The following CTNND2 variants were observed in gnomAD, a reference collection of about 807,000 sequenced individuals.
CTNND2 encodes the protein catenin delta-2.
Under a neutral mutation model 144.4 loss-of-function variants are expected in CTNND2, and 22 were observed. The ratio of observed to expected loss-of-function variants is 0.15; its 90% CI spans 0.11 to 0.22. CTNND2 has a LOEUF of 0.22. Among genes scored for constraint, CTNND2 ranks in the 10% least tolerant of loss-of-function variants. CTNND2 has a pLI of 1.00. For missense variants in CTNND2, 1,353 were observed against 1,618.8 expected, an observed-to-expected ratio of 0.84 and a Z score of 2.82; for synonymous variants, 751 against 695.6, an observed-to-expected ratio of 1.08 and a Z score of -1.25.
At chr5:11,770,538 C>T (rs1789873488) in intron 1 of CTNND2, among the ~76,000 whole-genome samples, 1 of 151,830 alleles carries the variant, frequency 6.6e-6, no homozygotes, top group Non-Finnish European at 1.5e-5. Flanking sequence ...GAATATTTCC[C>T]ATCATTCAGG....
At chr5:11,478,067 C>T (rs1021816346) in intron 3 of CTNND2, among the ~76,000 whole-genome samples, 1 of 152,180 alleles carries the variant, frequency 6.6e-6, no homozygotes, top group Non-Finnish European at 1.5e-5. Flanking sequence ...TGTTGTTAAG[C>T]AGTCTACTGG....
At chr5:11,555,187 T>C (rs1392315363) in intron 3 of CTNND2, among the ~76,000 whole-genome samples, 1 of 152,194 alleles carries the variant, frequency 6.6e-6, no homozygotes, top group African/African-American at 2.4e-5. Context: ...GTTTCGCATA[T>C]GCTTGTCATC....
intron 10 of CTNND2, among the ~76,000 whole-genome samples, chr5:11,201,405 C>CA: frequency 6.6e-6 from 1 of 152,134 alleles, no homozygotes; most frequent in East Asian, 1.9e-4. Flanking sequence ...AACAAACAAA[C>CA]AAACACCTCT....
chr5:11,437,999 G>A (rs1763921299), intron 3 of CTNND2, among the ~76,000 whole-genome samples: 1 of 152,160 alleles, frequency 6.6e-6, no homozygotes, highest in Non-Finnish European at 1.5e-5. Context: ...TCTTAACTCA[G>A]CATTCTCAGG....
chr5:11,798,187 G>A (rs937111297), intron 1 of CTNND2, among the ~76,000 whole-genome samples: 10 of 151,796 alleles, frequency 6.6e-5, no homozygotes, highest in Non-Finnish European at 1.0e-4. Context: ...GCTGGAACCC[G>A]GGAGGCGGAG....
At chr5:11,471,246 G>A (rs1174840122) in intron 3 of CTNND2, among the ~76,000 whole-genome samples, 2 of 151,554 alleles carry the variant, frequency 1.3e-5, no homozygotes, top group Non-Finnish European at 2.9e-5. Context: ...CAAAGTGCTG[G>A]GATTACAGGC....
In CTNND2 at chr5:11,486,591, G is replaced by C. The variant is rs1768858581; in HGVS notation, c.288-74522C>G. On this transcript the variant is annotated intron_variant, in intron 3 of 21. Transcript: ENST00000304623. ...AGGAGGACATTGGAGGGAGAGACAG[G>C]GGAAGGAGGGAATCCAGGAGGAATG... Among the ~76,000 whole-genome samples the C allele has an allele frequency of 1.3e-5, 2 of 152,232 alleles. 1 individual carries two copies. The highest frequency in any genetic ancestry group is 4.2e-4 in the South Asian group (2 of 4,816).
chr5:11,412,949 T>A (rs551911877), intron 3 of CTNND2, among the ~76,000 whole-genome samples: 1 of 152,272 alleles, frequency 6.6e-6, no homozygotes, highest in African/African-American at 2.4e-5. Flanking sequence ...TTGTAGACCT[T>A]TAGTCTGTAC....
intron 9 of CTNND2, among the ~76,000 whole-genome samples, chr5:11,313,418 C>T (rs1045665045): frequency 3.9e-5 from 6 of 152,152 alleles, no homozygotes; most frequent in Non-Finnish European, 7.4e-5. Context: ...TCCAAGTCCC[C>T]GACACTCTGG....
intron 2 of CTNND2, among the ~76,000 whole-genome samples, chr5:11,662,197 G>GTA (rs1418972762): frequency 2.3e-5 from 3 of 130,112 alleles, no homozygotes; most frequent in African/African-American, 6.0e-5. Flanking sequence ...GTATATATGT[G>GTA]TATATATGTA....
At chr5:11,422,294 G>A (rs1014687625) in intron 3 of CTNND2, among the ~76,000 whole-genome samples, 14 of 152,092 alleles carry the variant, frequency 9.2e-5, no homozygotes, top group Non-Finnish European at 1.3e-4. Flanking sequence ...CTTTAAAACC[G>A]TAAGTTTTTA....
At chr5:11,360,279 AAAGTT>A (rs1756314066) in intron 8 of CTNND2, among the ~76,000 whole-genome samples, 1 of 152,164 alleles carries the variant, frequency 6.6e-6, no homozygotes, top group Admixed American at 6.5e-5. Context: ...CTTTGGTGGG[AAAGTT>A]AAGAGATCTA....
chr5:11,228,353 CAAAAAAAA>C (rs564048343), intron 10 of CTNND2, among the ~76,000 whole-genome samples: 1 of 26,734 alleles, frequency 3.7e-5, no homozygotes, highest in Non-Finnish European at 7.9e-5. Context: ...CTCTCTCTCT[CAAAAAAAA>C]AAAAAAAAAA....
intron 2 of CTNND2, among the ~76,000 whole-genome samples, chr5:11,572,970 C>A (rs1196244912): frequency 6.6e-6 from 1 of 152,096 alleles, no homozygotes; most frequent in East Asian, 1.9e-4. Context: ...TTATCATTGT[C>A]TAAACTTTTT....
chr5:11,128,694 G>A lies in CTNND2; in HGVS notation c.2160-11127C>T, dbSNP rs1580361908. 2.6e-5 allele frequency among the ~76,000 whole-genome samples: 3 copies of A among 117,062 alleles called. No individual in the cohort carries two copies. In the East Asian group the frequency reaches 7.0e-4, roughly 27 times the overall value. The allele number at this position is 117,062 out of a possible 152,430, so 76.8% of individuals were successfully genotyped here. ...GAGTTTTCTAGATAATCAAACAACT[G>A]GATTGCTTTGCTCAAGACCAAAATG... On this transcript the variant is annotated intron_variant, in intron 12 of 21. Transcript: ENST00000304623.
chr5:11,131,931 A>C (rs1029953594), intron 12 of CTNND2, among the ~76,000 whole-genome samples: 1 of 151,624 alleles, frequency 6.6e-6, no homozygotes, highest in Non-Finnish European at 1.5e-5. Context: ...CTGAGAATAA[A>C]TGTGATTTTT....
At chr5:11,439,783 T>G (rs1313162105) in intron 3 of CTNND2, among the ~76,000 whole-genome samples, 1 of 150,728 alleles carries the variant, frequency 6.6e-6, no homozygotes, top group Non-Finnish European at 1.5e-5. Context: ...TATCTATCTA[T>G]CTATCTATCT....
At chr5:11,084,020 C>T (rs1580237593) in intron 15 of CTNND2, 1 of 929,974 alleles carries the variant, frequency 1.1e-6, no homozygotes, top group Admixed American at 5.7e-5. Flanking sequence ...CACATTCACA[C>T]AGTTTCTTAT....
At chr5:11,833,006 C>A (rs766914639) in intron 1 of CTNND2, among the ~76,000 whole-genome samples, 2 of 152,004 alleles carry the variant, frequency 1.3e-5, no homozygotes, top group Non-Finnish European at 2.9e-5. Flanking sequence ...ACAGAGCTGA[C>A]AAAGTTGTGG....
Sources: allele counts gnomAD v4.1 joint callset (sites outside exome capture counted in the v4.1 genomes callset), GRCh38; gene constraint gnomAD v4.1.1; transcripts MANE v1.5; gene names NCBI Gene and HGNC (gene_info 2026-07-23, HGNC 2026-07-21).